Variants in ARSG observed in about 807,000 individuals in gnomAD.
ARSG encodes the protein arylsulfatase G, also known as ASG.
A neutral mutation model predicts 50.5 loss-of-function variants in ARSG; 37 were observed. That is an observed-to-expected ratio of 0.73 (90% CI 0.56 to 0.96). The LOEUF is 0.96. Among genes scored for constraint, ARSG ranks in the 50% least tolerant of loss-of-function variants. The pLI, the probability that ARSG is intolerant of heterozygous loss-of-function variation, is 0.00. For synonymous variants in ARSG, 225 were observed against 254.6 expected (o/e 0.88, Z 1.11); for missense variants, 629 against 675.3 (o/e 0.93, Z 0.76).
intron 11 of ARSG, among the ~76,000 whole-genome samples, chr17:68,408,295 C>G (rs1221861570): frequency 8.4e-6 from 1 of 118,972 alleles, no homozygotes; most frequent in Non-Finnish European, 1.7e-5. Flanking sequence ...CCACAACAGT[C>G]CCCAGAGTGT....
chr17:68,435,068 G>A, the ARSG span, among the ~76,000 whole-genome samples: 58 of 152,228 alleles, frequency 3.8e-4, no homozygotes, highest in African/African-American at 1.3e-3. Context: ...TTAGCCAGGC[G>A]TGGCAGCATG....
the ARSG span, chr17:68,428,534 C>G: frequency 3.9e-6 from 1 of 255,806 alleles, no homozygotes; most frequent in East Asian, 9.5e-5. Flanking sequence ...CACCTGGTGG[C>G]AGGGAATATT....
At chr17:68,451,849 A>G in the ARSG span, among the ~76,000 whole-genome samples, 217 of 152,360 alleles carry the variant, frequency 1.4e-3, 1 homozygote, top group African/African-American at 5.1e-3. Flanking sequence ...CCTGAGCACA[A>G]AGGTTACGGC....
the ARSG span, among the ~76,000 whole-genome samples, chr17:68,438,105 A>G: frequency 6.6e-6 from 1 of 152,206 alleles, no homozygotes; most frequent in African/African-American, 2.4e-5. Context: ...AAAGAAAGTA[A>G]ACATTTAGAG....
intron 2 of ARSG, among the ~76,000 whole-genome samples, chr17:68,310,555 A>G (rs2076810609): frequency 6.6e-6 from 1 of 152,128 alleles, no homozygotes; most frequent in Non-Finnish European, 1.5e-5. Context: ...TAGAGCTTTC[A>G]GACTTCAGGA....
chr17:68,368,524 C>A (rs2079658873), intron 6 of ARSG, 24 bp from the exon 7 acceptor site: 4 of 1,609,552 alleles, frequency 2.5e-6, no homozygotes, highest in Admixed American at 3.3e-5. Context: ...TCTGCAGAGT[C>A]ACCTCTTGGT....
At chr17:68,450,926 A>T in the ARSG span, 5 of 1,599,970 alleles carry the variant, frequency 3.1e-6, no homozygotes, top group African/African-American at 6.7e-5. Context: ...GGGAGGTTAC[A>T]TGGATTGATC....
intron 9 of ARSG, among the ~76,000 whole-genome samples, chr17:68,393,373 C>G (rs936633972): frequency 2.6e-5 from 4 of 152,160 alleles, no homozygotes; most frequent in African/African-American, 7.2e-5. Context: ...GCTGTATACG[C>G]TACCTGCCTG....
At chr17:68,310,928 T>C (rs1176983395) in intron 2 of ARSG, among the ~76,000 whole-genome samples, 14 of 152,230 alleles carry the variant, frequency 9.2e-5, no homozygotes, top group African/African-American at 2.7e-4. Context: ...TGGCTGGGTG[T>C]GGTGGCTCAC....
intron 2 of ARSG, among the ~76,000 whole-genome samples, chr17:68,320,750 A>T (rs1247037821): frequency 6.6e-6 from 1 of 152,188 alleles, no homozygotes; most frequent in Non-Finnish European, 1.5e-5. Flanking sequence ...GCTTACCAGG[A>T]TGGCCCACCT....
At chr17:68,318,793 G>A (rs377011420) in intron 2 of ARSG, among the ~76,000 whole-genome samples, 3 of 152,124 alleles carry the variant, frequency 2.0e-5, no homozygotes, top group Non-Finnish European at 2.9e-5. Flanking sequence ...GGCTTAGCTC[G>A]GAATCAAAGA....
At chr17:68,379,971 C>A in intron 8 of ARSG, 1 of 722,240 alleles carries the variant, frequency 1.4e-6, no homozygotes, top group Non-Finnish European at 1.7e-6. Flanking sequence ...CTTTGAGCGA[C>A]ACGGATTTGA....
intron 2 of ARSG, among the ~76,000 whole-genome samples, chr17:68,328,938 C>T (rs1365933426): frequency 6.6e-6 from 1 of 152,164 alleles, no homozygotes; most frequent in African/African-American, 2.4e-5. Context: ...CACCCCAGGG[C>T]AGTGATGAGA....
At chr17:68,286,936 T>C (rs1417870869), upstream of ARSG, among the ~76,000 whole-genome samples, 2 of 152,240 alleles carry the variant, frequency 1.3e-5, no homozygotes, top group Admixed American at 6.5e-5. Context: ...AGCTAGCTGG[T>C]CATTGCTTAG....
rs755889978 is a variant in ARSG, at chr17:68,370,416, G to C, written c.902-28G>C. On this transcript the variant is annotated intron_variant, in intron 7 of 11. Coordinates refer to ENST00000621439, the MANE Select transcript of ARSG (RefSeq NM_001267727.2). ...AGCGAAAGTGTCCAACCAGCCTGGT[G>C]ACCATTAATGCTTTTTCTGGTTTCT... 2.5e-6 allele frequency: 4 copies of C among 1,610,794 alleles called. No homozygotes were observed. In the East Asian group the frequency reaches 8.9e-5, roughly 36 times the overall value.
At chr17:68,311,276 T>A (rs2076843291) in intron 2 of ARSG, among the ~76,000 whole-genome samples, 1 of 152,206 alleles carries the variant, frequency 6.6e-6, no homozygotes, top group East Asian at 1.9e-4. Context: ...TGGTGCACTC[T>A]CCACTTCCTC....
At chr17:68,398,035 G>T (rs1419813358) in intron 10 of ARSG, among the ~76,000 whole-genome samples, 1 of 152,174 alleles carries the variant, frequency 6.6e-6, no homozygotes, top group Admixed American at 6.5e-5. Context: ...CCAAAGTGCT[G>T]GGATTACAGG....
chr17:68,287,706 C>A (rs550550121), upstream of ARSG, among the ~76,000 whole-genome samples: 1 of 152,240 alleles, frequency 6.6e-6, no homozygotes, highest in African/African-American at 2.4e-5. Context: ...CCTTTATCAT[C>A]CTAAAGCATC....
chr17:68,448,096 C>A, the ARSG span, among the ~76,000 whole-genome samples: 1 of 151,952 alleles, frequency 6.6e-6, no homozygotes, highest in South Asian at 2.1e-4. Context: ...TGTCTGAAGG[C>A]CTGAGGAAGT....
Sources: gnomAD v4.1 joint callset for allele counts (sites outside exome capture counted in the v4.1 genomes callset) on GRCh38, gnomAD v4.1.1 for gene constraint, MANE v1.5 for transcripts, NCBI Gene and HGNC (gene_info 2026-07-23, HGNC 2026-07-21) for gene names.